Variants in METTL15 observed in about 807,000 individuals in gnomAD.
The protein encoded by METTL15 is methyltransferase 15, mitochondrial 12S rRNA N4-cytidine, also known as 12S rRNA N(4)-cytidine methyltransferase METTL15.
Under a neutral mutation model 38.3 loss-of-function variants are expected in METTL15, and 34 were observed. The ratio of observed to expected loss-of-function variants is 0.89; its 90% confidence interval spans 0.68 to 1.18. The LOEUF is 1.18. Among genes scored for constraint, METTL15 ranks in the 50% most tolerant of loss-of-function variants. The pLI, the probability that METTL15 is intolerant of heterozygous loss-of-function variation, is 0.00. For synonymous variants in METTL15, 162 were observed against 170.9 expected (o/e 0.95, Z 0.41); for missense variants, 438 against 498.4 (o/e 0.88, Z 1.15).
At chr11:28,149,733 A>T (rs1850014215) in intron 3 of METTL15, among the ~76,000 whole-genome samples, 1 of 151,858 alleles carries the variant, frequency 6.6e-6, no homozygotes. Context: ...CTGGTATATG[A>T]CTTTGGAATT....
At chr11:28,111,338 A>G (rs560955472) in intron 2 of METTL15, among the ~76,000 whole-genome samples, 33 of 152,136 alleles carry the variant, frequency 2.2e-4, no homozygotes, top group Non-Finnish European at 2.8e-4. Flanking sequence ...TGATGATACT[A>G]CTTTTCTTTT....
rs576424428 is a variant in METTL15 at position 28,505,505 on chromosome 11, A to T, written c.*425-20973A>T. Among the ~76,000 whole-genome samples, 5 of 152,344 alleles carry T rather than the reference A, an allele frequency of 3.3e-5. No homozygotes were observed. The East Asian group carries it at 9.6e-4, about 29-fold the overall frequency. On this transcript the variant is annotated intron_variant and NMD_transcript_variant, in intron 6 of 7. Coordinates refer to the METTL15 transcript ENST00000532947. ...AAACAAACAAACAAGCAAATCCATA[A>T]ACCATTTCCCAATCCTCACAGGATG...
chr11:28,500,279 A>G (rs1590395583), intron 6 of METTL15, among the ~76,000 whole-genome samples: 2 of 152,216 alleles, frequency 1.3e-5, no homozygotes, highest in Non-Finnish European at 2.9e-5. Context: ...GACTTCGATC[A>G]GCTTCCAATC....
chr11:28,363,159 GTCT>G (rs1207646404), intron 5 of METTL15, among the ~76,000 whole-genome samples: 1 of 151,832 alleles, frequency 6.6e-6, no homozygotes, highest in East Asian at 1.9e-4. Context: ...GTCTTTATAT[GTCT>G]TCTTCTTTTT....
intron 3 of METTL15, among the ~76,000 whole-genome samples, chr11:28,119,166 C>T (rs1190541895): frequency 6.6e-6 from 1 of 152,114 alleles, no homozygotes; most frequent in Non-Finnish European, 1.5e-5. Context: ...TACTTTTCTT[C>T]ATAGCAACTT....
chr11:28,249,879 A>G (rs1854664740), intron 4 of METTL15, among the ~76,000 whole-genome samples: 2 of 151,816 alleles, frequency 1.3e-5, no homozygotes, highest in African/African-American at 4.8e-5. Context: ...CCTTCCTCCT[A>G]CCCTCCACCC....
At chr11:28,415,059 G>A (rs989307582) in intron 5 of METTL15, among the ~76,000 whole-genome samples, 4 of 152,168 alleles carry the variant, frequency 2.6e-5, no homozygotes, top group South Asian at 2.1e-4. Flanking sequence ...ATGTCATTGG[G>A]CACTCCAGAA....
chr11:28,390,360 A>T (rs1035071114), intron 5 of METTL15, among the ~76,000 whole-genome samples: 34 of 151,408 alleles, frequency 2.2e-4, no homozygotes, highest in African/African-American at 8.2e-4. Context: ...TTATGGTTTT[A>T]GGTCTAATAT....
rs567328137 is a variant in METTL15, at chr11:28,307,728, C to G, written c.778+10797C>G. On this transcript the variant is annotated intron_variant, in intron 6 of 6. Transcript: ENST00000407364. The stretch of plus-strand genomic sequence containing the variant: ...ACATATTATGTATCGACTTAACCAT[C>G]AGGTATTTATTCTAAGTCTACTTTG... Among the ~76,000 whole-genome samples, 101 of 152,038 alleles carry G rather than the reference C, an allele frequency of 6.6e-4. No homozygotes were observed. The Middle Eastern group carries it at 0.014, about 21-fold the overall frequency.
chr11:28,217,478 G>A (rs1367192540), intron 4 of METTL15, among the ~76,000 whole-genome samples: 14 of 152,008 alleles, frequency 9.2e-5, no homozygotes, highest in Admixed American at 2.6e-4. Flanking sequence ...AGATGAGTAG[G>A]TTGCAAAAAT....
intron 4 of METTL15, among the ~76,000 whole-genome samples, chr11:28,259,539 G>A (rs1303363315): frequency 6.6e-6 from 1 of 152,150 alleles, no homozygotes; most frequent in Non-Finnish European, 1.5e-5. Context: ...TGAGACTTGT[G>A]CATAGGTACT....
chr11:28,380,317 G>A (rs1850368689), intron 5 of METTL15, among the ~76,000 whole-genome samples: 2 of 151,824 alleles, frequency 1.3e-5, no homozygotes, highest in African/African-American at 4.8e-5. Flanking sequence ...ACAGGCACCT[G>A]CCATCACGCC....
chr11:28,378,789 G>C (rs1198536908), intron 5 of METTL15, among the ~76,000 whole-genome samples: 2 of 80,902 alleles, frequency 2.5e-5, no homozygotes, highest in Non-Finnish European at 5.3e-5. Context: ...TGAAGATTTT[G>C]AATAGAATTA....
intron 3 of METTL15, among the ~76,000 whole-genome samples, chr11:28,131,057 C>T (rs1457731620): frequency 6.6e-6 from 1 of 152,046 alleles, no homozygotes; most frequent in East Asian, 1.9e-4. Flanking sequence ...CCATTAAGTG[C>T]TAGTGGCATC....
chr11:28,302,881 T>TA (rs1403901884), intron 6 of METTL15, among the ~76,000 whole-genome samples: 1 of 152,148 alleles, frequency 6.6e-6, no homozygotes, highest in East Asian at 1.9e-4. Flanking sequence ...TTTTATTAAT[T>TA]AAAAATCCTT....
intron 3 of METTL15, among the ~76,000 whole-genome samples, chr11:28,143,797 T>C (rs1443098994): frequency 1.3e-5 from 2 of 152,150 alleles, no homozygotes; most frequent in Non-Finnish European, 2.9e-5. Context: ...AGAAAAGATA[T>C]CTTGATCGTT....
intron 6 of METTL15, among the ~76,000 whole-genome samples, chr11:28,307,616 G>A (rs1857127550): frequency 1.3e-5 from 2 of 151,914 alleles, no homozygotes; most frequent in Non-Finnish European, 2.9e-5. Context: ...GGCTAAATAT[G>A]CCATAAAATA....
In METTL15 at chr11:28,136,440, G is replaced by A. The variant is rs567749481; in HGVS notation, c.270+22836G>A. 5.9e-5 allele frequency among the ~76,000 whole-genome samples: 9 copies of A among 152,204 alleles called. No homozygotes were observed. In the South Asian group the frequency reaches 8.3e-4, roughly 14 times the overall value. ...CCATGATTGTGTGGGCTCCCCATCC[G>A]TGTGGAACTGTGAGTCCATTAAACC... On this transcript the variant is annotated intron_variant, in intron 3 of 6. Transcript: ENST00000407364.
intron 5 of METTL15, among the ~76,000 whole-genome samples, chr11:28,418,943 G>A (rs534689003): frequency 9.8e-5 from 15 of 152,318 alleles, no homozygotes; most frequent in Admixed American, 9.1e-4. Context: ...GCCACTGTGG[G>A]CTAAAGTGTT....
Sources: allele counts gnomAD v4.1 joint callset (sites outside exome capture counted in the v4.1 genomes callset), GRCh38; gene constraint gnomAD v4.1.1; transcripts MANE v1.5; gene names NCBI Gene and HGNC (gene_info 2026-07-23, HGNC 2026-07-21).